The following ARHGAP15 variants were observed in gnomAD, a reference collection of about 807,000 sequenced individuals.
The protein encoded by ARHGAP15 is rho GTPase-activating protein 15.
Under a neutral mutation model 63.7 loss-of-function variants are expected in ARHGAP15, and 51 were observed. The observed-to-expected ratio is 0.80, with a 90% CI of 0.64 to 1.01. The LOEUF (loss-of-function observed/expected upper bound fraction) is 1.01. ARHGAP15 is among the 50% of genes least tolerant of loss of function. The pLI, the probability that ARHGAP15 is intolerant of heterozygous loss-of-function variation, is 0.00. For missense variants in ARHGAP15, 560 were observed against 564.6 expected, an observed-to-expected ratio of 0.99 and a Z score of 0.08; for synonymous variants, 191 against 193.8, an observed-to-expected ratio of 0.99 and a Z score of 0.12.
chr2:143,400,884 A>G (rs1687962774), intron 6 of ARHGAP15, among the ~76,000 whole-genome samples: 1 of 152,044 alleles, frequency 6.6e-6, no homozygotes, highest in Non-Finnish European at 1.5e-5. Context: ...ATTTTTGAGT[A>G]CATTTCAGTG....
intron 13 of ARHGAP15, among the ~76,000 whole-genome samples, chr2:143,734,601 G>T (rs1453823416): frequency 6.6e-6 from 1 of 152,116 alleles, no homozygotes; most frequent in African/African-American, 2.4e-5. Context: ...TTGATTAATT[G>T]TACTTCATTA....
At chr2:143,623,376 CA>C (rs1342750265) in intron 11 of ARHGAP15, among the ~76,000 whole-genome samples, 1 of 152,126 alleles carries the variant, frequency 6.6e-6, no homozygotes, top group African/African-American at 2.4e-5. Context: ...TCAAGCTTCC[CA>C]AGCAAATATT....
intron 12 of ARHGAP15, among the ~76,000 whole-genome samples, chr2:143,692,178 G>A (rs563513785): frequency 6.6e-6 from 1 of 152,268 alleles, no homozygotes; most frequent in Admixed American, 6.5e-5. Flanking sequence ...TAATAGGCAG[G>A]GGCAACAATA....
intron 2 of ARHGAP15, among the ~76,000 whole-genome samples, chr2:143,166,001 A>AGAAAGAAAGAAAGAAG (rs70982847): frequency 2.2e-4 from 22 of 101,152 alleles, no homozygotes; most frequent in East Asian, 8.9e-4. Flanking sequence ...AAAGAAAGAA[A>AGAAAGAAAGAAAGAAG]GAAGGAAGGA....
intron 11 of ARHGAP15, among the ~76,000 whole-genome samples, chr2:143,602,027 T>G (rs918916417): frequency 2.6e-5 from 4 of 152,186 alleles, no homozygotes; most frequent in African/African-American, 4.8e-5. Flanking sequence ...GTCTTTTTTT[T>G]GGCATGTGTC....
At chr2:143,529,385 C>A (rs748873915) in intron 10 of ARHGAP15, among the ~76,000 whole-genome samples, 1 of 152,076 alleles carries the variant, frequency 6.6e-6, no homozygotes, top group Non-Finnish European at 1.5e-5. Flanking sequence ...TGAGATAAAT[C>A]TCCTAAGGAG....
chr2:143,695,010 A>C (rs934295480), intron 12 of ARHGAP15, among the ~76,000 whole-genome samples: 1 of 152,232 alleles, frequency 6.6e-6, no homozygotes, highest in Non-Finnish European at 1.5e-5. Context: ...TCAAACCTTG[A>C]AAAGTATTTG....
At chr2:143,467,407 T>C (rs188285397) in intron 8 of ARHGAP15, among the ~76,000 whole-genome samples, 2 of 152,040 alleles carry the variant, frequency 1.3e-5, no homozygotes, top group African/African-American at 4.8e-5. Flanking sequence ...TGTTAGACTT[T>C]CAATTATTTG....
At chr2:143,313,526 T>TC (rs1255579703) in intron 6 of ARHGAP15, among the ~76,000 whole-genome samples, 1 of 151,932 alleles carries the variant, frequency 6.6e-6, no homozygotes, top group Non-Finnish European at 1.5e-5. Context: ...GCCTCCAATT[T>TC]CCCCCATAAA....
intron 5 of ARHGAP15, chr2:143,236,583 C>T (rs958268024): frequency 4.6e-5 from 7 of 151,980 alleles, no homozygotes; most frequent in African/African-American, 9.7e-5. Context: ...AGAGACATGG[C>T]GTCGTTTTAT....
At chr2:143,324,457 G>A (rs971188188) in intron 6 of ARHGAP15, among the ~76,000 whole-genome samples, 6 of 152,110 alleles carry the variant, frequency 3.9e-5, no homozygotes, top group East Asian at 1.9e-4. Flanking sequence ...CATATTTTCC[G>A]TGGAAGAAAT....
intron 9 of ARHGAP15, among the ~76,000 whole-genome samples, chr2:143,503,164 C>G (rs745602889): frequency 1.3e-5 from 2 of 152,134 alleles, no homozygotes; most frequent in Non-Finnish European, 2.9e-5. Context: ...ATATGTAGTG[C>G]GTTCTTGGGA....
At chr2:143,337,927 G>GTA (rs1250196593) in intron 6 of ARHGAP15, among the ~76,000 whole-genome samples, 1 of 152,118 alleles carries the variant, frequency 6.6e-6, no homozygotes, top group Non-Finnish European at 1.5e-5. Context: ...TCTTGATATA[G>GTA]TACTGTTAGA....
intron 6 of ARHGAP15, among the ~76,000 whole-genome samples, chr2:143,348,428 AG>A (rs1046144391): frequency 5.9e-5 from 9 of 152,296 alleles, no homozygotes; most frequent in Middle Eastern, 6.8e-3. Flanking sequence ...TTAAATTTCC[AG>A]TACTGAAAAA....
chr2:143,241,752 A>G (rs1310283774), intron 5 of ARHGAP15, among the ~76,000 whole-genome samples: 1 of 152,188 alleles, frequency 6.6e-6, no homozygotes, highest in Admixed American at 6.5e-5. Flanking sequence ...AGTGGTCTCA[A>G]TCCTGGTTTT....
chr2:143,377,717 T>C (rs1686878670), intron 6 of ARHGAP15, among the ~76,000 whole-genome samples: 1 of 152,194 alleles, frequency 6.6e-6, no homozygotes, highest in East Asian at 1.9e-4. Context: ...CAGCAATAAA[T>C]TAACAAAGTA....
chr2:143,700,221 T>C (rs1313476738), intron 12 of ARHGAP15, among the ~76,000 whole-genome samples: 2 of 152,150 alleles, frequency 1.3e-5, no homozygotes, highest in Non-Finnish European at 2.9e-5. Context: ...CACAATTATT[T>C]TACCTGTTGG....
At chr2:143,267,118 A>G (rs548226882) in intron 6 of ARHGAP15, among the ~76,000 whole-genome samples, 8 of 152,176 alleles carry the variant, frequency 5.3e-5, no homozygotes, top group Non-Finnish European at 1.2e-4. Context: ...CCATATGTAC[A>G]GTGACGACAG....
intron 11 of ARHGAP15, among the ~76,000 whole-genome samples, chr2:143,621,302 A>G (rs1698639979): frequency 6.6e-6 from 1 of 152,240 alleles, no homozygotes; most frequent in African/African-American, 2.4e-5. Context: ...ATCACTGTGT[A>G]GAATCTAGTT....
Sources: gnomAD v4.1 joint callset for allele counts (sites outside exome capture counted in the v4.1 genomes callset) on GRCh38, gnomAD v4.1.1 for gene constraint, MANE v1.5 for transcripts, NCBI Gene and HGNC (gene_info 2026-07-23, HGNC 2026-07-21) for gene names.